Variants in LPGAT1 observed in about 807,000 individuals in gnomAD.
The protein encoded by LPGAT1 is acyl-CoA:lysophosphatidylglycerol acyltransferase 1.
Under a neutral mutation model 47.5 loss-of-function variants are expected in LPGAT1, and 11 were observed. The ratio of observed to expected loss-of-function variants is 0.23; its 90% confidence interval spans 0.15 to 0.38. The LOEUF (loss-of-function observed/expected upper bound fraction) is 0.38. LPGAT1 is among the 10% of genes least tolerant of loss of function. The pLI is 1.00. For synonymous variants in LPGAT1, 138 were observed against 144.2 expected, an observed-to-expected ratio of 0.96 and a Z score of 0.31; for missense variants, 293 against 439.0, an observed-to-expected ratio of 0.67 and a Z score of 2.97.
chr1:211,816,402 G>A (rs1660176937), intron 2 of LPGAT1, among the ~76,000 whole-genome samples: 1 of 152,086 alleles, frequency 6.6e-6, no homozygotes, highest in Admixed American at 6.5e-5. Context: ...TTTTGCATTA[G>A]AATAGGTGAC....
intron 2 of LPGAT1, among the ~76,000 whole-genome samples, chr1:211,800,588 G>A (rs1413363990): frequency 2.0e-5 from 3 of 152,132 alleles, no homozygotes; most frequent in African/African-American, 7.2e-5. Context: ...TTTTCAAAAG[G>A]GGAGCTAGTG....
At chr1:211,761,505 C>G (rs1353199253) in intron 6 of LPGAT1, among the ~76,000 whole-genome samples, 1 of 152,174 alleles carries the variant, frequency 6.6e-6, no homozygotes, top group Non-Finnish European at 1.5e-5. Context: ...TGAGGTCTTA[C>G]ATTTCCTCAG....
intron 2 of LPGAT1, among the ~76,000 whole-genome samples, chr1:211,803,427 T>TG (rs1444685385): frequency 6.6e-6 from 1 of 152,162 alleles, no homozygotes; most frequent in Admixed American, 6.5e-5. Context: ...CAGTCCAAAT[T>TG]GGAGCAAGTT....
intron 2 of LPGAT1, among the ~76,000 whole-genome samples, chr1:211,823,975 T>G (rs12136792): frequency 0.086 from 13,127 of 151,984 alleles, 661 homozygotes; most frequent in Admixed American, 0.15. Flanking sequence ...ATGTGGTATT[T>G]TAAGAGATTA....
chr1:211,822,958 T>C lies in LPGAT1; in HGVS notation c.238+6101A>G, dbSNP rs74382467. 2.9e-3 allele frequency among the ~76,000 whole-genome samples: 439 copies of C among 152,320 alleles called. 1 individual carries two copies. The highest frequency in any genetic ancestry group is 0.01 in the African/African-American group (420 of 41,568). On this transcript the variant is annotated intron_variant, in intron 2 of 7. Transcript: ENST00000366997. ...TGTCCATTATACTACAACATTTCCA[T>C]TGAAGCACCAAGTTTTTAACCTCTT...
chr1:211,755,958 C>T (rs1182925886), intron 6 of LPGAT1, among the ~76,000 whole-genome samples: 3 of 152,088 alleles, frequency 2.0e-5, no homozygotes, highest in Admixed American at 6.5e-5. Context: ...CTGTAAAATC[C>T]CCTATTATCT....
At chr1:211,786,823 T>C (rs933934119) in intron 4 of LPGAT1, among the ~76,000 whole-genome samples, 4 of 152,198 alleles carry the variant, frequency 2.6e-5, no homozygotes, top group African/African-American at 9.6e-5. Flanking sequence ...TACTATATTA[T>C]ACAACAGTGC....
At chr1:211,766,343 ATC>A (rs2102510390) in intron 6 of LPGAT1, among the ~76,000 whole-genome samples, 1 of 152,202 alleles carries the variant, frequency 6.6e-6, no homozygotes, top group East Asian at 1.9e-4. Context: ...CTCATAATAA[ATC>A]TCTTTCTACA....
intron 6 of LPGAT1, among the ~76,000 whole-genome samples, chr1:211,765,094 G>C (rs952349446): frequency 1.3e-5 from 2 of 152,058 alleles, no homozygotes; most frequent in Non-Finnish European, 2.9e-5. Flanking sequence ...TGAACTCTCC[G>C]GTAAGCAAAA....
At chr1:211,785,610 C>CTTT (rs796577084) in intron 4 of LPGAT1, among the ~76,000 whole-genome samples, 4 of 140,834 alleles carry the variant, frequency 2.8e-5, no homozygotes, top group Admixed American at 7.2e-5. Flanking sequence ...AATTTAGCCT[C>CTTT]TTTTTTTTTT....
At chr1:211,775,240 C>A (rs1300722896) in intron 6 of LPGAT1, among the ~76,000 whole-genome samples, 1 of 152,148 alleles carries the variant, frequency 6.6e-6, no homozygotes, top group Non-Finnish European at 1.5e-5. Context: ...TTGCTTGAAC[C>A]CGCAAGGCAG....
chr1:211,787,659 T>C lies in LPGAT1; in HGVS notation c.426A>G (p.Leu142=). 1 of 1,607,316 alleles carries C rather than the reference T, an allele frequency of 6.2e-7. No homozygotes were observed. The highest frequency in any genetic ancestry group is 8.5e-7 in the Non-Finnish European group (1 of 1,175,150). ...GTCTTATAAAGAAGTCTCCATGAACTAGAGAAACAATTCCAAAGTTTGTGT... is the reference window on the plus strand; with the variant it reads ...GTCTTATAAAGAAGTCTCCATGAACCAGAGAAACAATTCCAAAGTTTGTGT... ...FKYTNFGIVS[L]VHGDFFIRQG... Residue 142 remains leucine (L), a synonymous_variant, in exon 4 of 8, where the codon CTA becomes CTG. Coordinates refer to ENST00000366997, the MANE Select transcript of LPGAT1 (RefSeq NM_014873.3).
intron 6 of LPGAT1, among the ~76,000 whole-genome samples, chr1:211,765,169 T>C (rs1315567375): frequency 6.6e-6 from 1 of 152,234 alleles, no homozygotes; most frequent in African/African-American, 2.4e-5. Context: ...AACGATGTTT[T>C]TAAACTTTTT....
chr1:211,760,579 G>A (rs988651145), intron 6 of LPGAT1, among the ~76,000 whole-genome samples: 15 of 151,946 alleles, frequency 9.9e-5, no homozygotes, highest in Admixed American at 9.8e-4. Flanking sequence ...ATTGGAATTT[G>A]GTGCCTATAT....
chr1:211,811,221 G>C (rs962085553), intron 2 of LPGAT1, among the ~76,000 whole-genome samples: 3 of 152,196 alleles, frequency 2.0e-5, no homozygotes, highest in African/African-American at 7.2e-5. Flanking sequence ...CCAAACAAAA[G>C]GACTGGGTCT....
chr1:211,806,694 A>G (rs1487759033), intron 2 of LPGAT1, among the ~76,000 whole-genome samples: 1 of 152,218 alleles, frequency 6.6e-6, no homozygotes, highest in African/African-American at 2.4e-5. Flanking sequence ...TTAAAAAAGA[A>G]GGTCTCATGA....
chr1:211,798,240 T>C (rs1295578722), intron 2 of LPGAT1, among the ~76,000 whole-genome samples: 1 of 152,220 alleles, frequency 6.6e-6, no homozygotes, highest in African/African-American at 2.4e-5. Flanking sequence ...ATATCATTAA[T>C]GCTACGTAAA....
intron 5 of LPGAT1, among the ~76,000 whole-genome samples, chr1:211,782,764 C>G (rs1222843933): frequency 6.6e-6 from 1 of 151,970 alleles, no homozygotes; most frequent in Non-Finnish European, 1.5e-5. Flanking sequence ...ACAAAAACAA[C>G]AACAACAAGA....
intron 4 of LPGAT1, 35 bp from the exon 5 acceptor site, chr1:211,783,537 A>G (rs1191283062): frequency 6.5e-7 from 1 of 1,534,626 alleles, no homozygotes; most frequent in Non-Finnish European, 8.8e-7. Flanking sequence ...AAGTACAGGT[A>G]TATCCAAAAT....
Sources: allele counts gnomAD v4.1 joint callset (sites outside exome capture counted in the v4.1 genomes callset), GRCh38; gene constraint gnomAD v4.1.1; transcripts MANE v1.5; gene names NCBI Gene and HGNC (gene_info 2026-07-23, HGNC 2026-07-21).